Variants in LRFN5 observed in about 807,000 individuals in gnomAD.
LRFN5 encodes leucine rich repeat and fibronectin type III domain containing 5, also known as leucine-rich repeat and fibronectin type-III domain-containing protein 5.
LRFN5 carries 24 observed loss-of-function variants against 45.6 expected under a neutral mutation model. That is an observed-to-expected ratio of 0.53 (90% confidence interval 0.38 to 0.74). The LOEUF (loss-of-function observed/expected upper bound fraction) is 0.74, where lower values mean the gene tolerates loss of function less well. Among genes scored for constraint, LRFN5 ranks in the 30% least tolerant of loss-of-function variants. The pLI, the probability that LRFN5 is intolerant of heterozygous loss-of-function variation, is 0.00. For missense variants in LRFN5, 776 were observed against 861.5 expected (o/e 0.90, Z 1.24); for synonymous variants, 340 against 313.8 (o/e 1.08, Z -0.88).
intron 1 of LRFN5, among the ~76,000 whole-genome samples, chr14:41,683,110 A>G (rs1881973473): frequency 6.6e-6 from 1 of 152,206 alleles, no homozygotes; most frequent in East Asian, 1.9e-4. Context: ...ATACATTAAA[A>G]ACATTATTCA....
chr14:41,644,392 CACTA>C (rs1203117812), intron 1 of LRFN5, among the ~76,000 whole-genome samples: 2 of 152,178 alleles, frequency 1.3e-5, no homozygotes, highest in Admixed American at 6.6e-5. Context: ...ATGTTGCTTT[CACTA>C]ACTGTTTAAA....
intron 2 of LRFN5, among the ~76,000 whole-genome samples, chr14:41,775,191 C>G (rs933484886): frequency 6.7e-6 from 1 of 150,216 alleles, no homozygotes; most frequent in Non-Finnish European, 1.5e-5. Flanking sequence ...CCCGGGTTCA[C>G]GCCATTCTCC....
intron 1 of LRFN5, among the ~76,000 whole-genome samples, chr14:41,648,014 CT>C (rs1185170850): frequency 8.5e-5 from 13 of 152,186 alleles, no homozygotes; most frequent in Non-Finnish European, 5.9e-5. Context: ...CTATGTAACC[CT>C]ATATTAACAT....
rs143045395 is a variant in LRFN5 at position 41,869,428 on chromosome 14, CT to C, written c.-20-17166del. Among the ~76,000 whole-genome samples, 804 of 143,658 alleles carry C rather than the reference CT, an allele frequency of 5.6e-3. 4 individuals carry two copies. Among genetic ancestry groups the C allele is most frequent in the African/African-American group, 0.014 (535 of 39,404 alleles). The allele number at this position is 143,658 out of a possible 152,430, so 94.2% of individuals were successfully genotyped here. On this transcript the variant is annotated intron_variant, in intron 2 of 5. Coordinates refer to ENST00000298119, the MANE Select transcript of LRFN5 (RefSeq NM_152447.5). ...TCCTCATTGTGTTAACTTTATGCAG[CT>C]TTTTTTTTTTTAAAAAAAGGTTTTT...
intron 2 of LRFN5, among the ~76,000 whole-genome samples, chr14:41,795,874 A>C (rs1383643935): frequency 6.6e-6 from 1 of 151,928 alleles, no homozygotes; most frequent in African/African-American, 2.4e-5. Flanking sequence ...ATGTATATAT[A>C]TGTAACTAAC....
intron 2 of LRFN5, among the ~76,000 whole-genome samples, chr14:41,883,456 C>T (rs1041865402): frequency 3.9e-5 from 6 of 152,158 alleles, no homozygotes; most frequent in African/African-American, 1.4e-4. Flanking sequence ...AATTTTCCTT[C>T]AGCCTAAAGA....
chr14:41,706,173 T>G (rs1002643375), intron 1 of LRFN5, among the ~76,000 whole-genome samples: 1 of 152,122 alleles, frequency 6.6e-6, no homozygotes, highest in Non-Finnish European at 1.5e-5. Context: ...CGATCTTGGC[T>G]CACCGCAACC....
chr14:41,815,796 A>G (rs899201926), intron 2 of LRFN5, among the ~76,000 whole-genome samples: 1 of 152,008 alleles, frequency 6.6e-6, no homozygotes, highest in Non-Finnish European at 1.5e-5. Context: ...AATGAAGTGG[A>G]TGTCTTGTAG....
At chr14:41,671,730 C>A (rs896361076) in intron 1 of LRFN5, among the ~76,000 whole-genome samples, 1 of 149,020 alleles carries the variant, frequency 6.7e-6, no homozygotes, top group Non-Finnish European at 1.5e-5. Flanking sequence ...TATTCTCCTG[C>A]CTCTCAGCCT....
intron 2 of LRFN5, among the ~76,000 whole-genome samples, chr14:41,782,073 A>T (rs982550429): frequency 6.6e-6 from 1 of 151,750 alleles, no homozygotes; most frequent in East Asian, 1.9e-4. Context: ...TCTTTAATTT[A>T]AAAAAAATTA....
intron 2 of LRFN5, among the ~76,000 whole-genome samples, chr14:41,768,195 CT>C (rs1384238515): frequency 6.6e-6 from 1 of 152,010 alleles, no homozygotes; most frequent in African/African-American, 2.4e-5. Flanking sequence ...AACAGAAAAA[CT>C]GTAGTTAAGA....
chr14:41,639,969 TTTTTTTTTTA>T (rs1233796435), intron 1 of LRFN5, among the ~76,000 whole-genome samples: 4 of 145,028 alleles, frequency 2.8e-5, no homozygotes, highest in African/African-American at 1.0e-4. Context: ...TTTTTTTTTT[TTTTTTTTTTA>T]TTTACAGCTG....
rs115231918 is a variant in LRFN5 at position 41,712,631 on chromosome 14, C to T, written c.-196-54223C>T. On this transcript the variant is annotated intron_variant, in intron 1 of 5. Transcript: ENST00000298119. ...TAAATGAACAGGTTTAGGTATTCTA[C>T]CAAATCACAACAATTTTTATATAAC... Among the ~76,000 whole-genome samples, 159 of 152,116 alleles carry T rather than the reference C, an allele frequency of 1.0e-3. 1 individual carries two copies. Among genetic ancestry groups the T allele is most frequent in the African/African-American group, 3.7e-3 (155 of 41,516 alleles).
chr14:41,724,456 G>C (rs1029790025), intron 1 of LRFN5, among the ~76,000 whole-genome samples: 1 of 151,926 alleles, frequency 6.6e-6, no homozygotes, highest in Non-Finnish European at 1.5e-5. Context: ...TTACCAACTA[G>C]CTAATACCTT....
At chr14:41,785,636 TTATTCC>T (rs1447548001) in intron 2 of LRFN5, among the ~76,000 whole-genome samples, 2 of 152,120 alleles carry the variant, frequency 1.3e-5, no homozygotes, top group African/African-American at 4.8e-5. Flanking sequence ...ATTCTGCACT[TTATTCC>T]TATTATTATT....
intron 1 of LRFN5, among the ~76,000 whole-genome samples, chr14:41,625,718 A>G (rs920877525): frequency 2.0e-5 from 3 of 152,150 alleles, no homozygotes; most frequent in East Asian, 3.8e-4. Flanking sequence ...TATTTGACCT[A>G]TAATAATCTA....
chr14:41,901,217 C>T (rs980773181), intron 5 of LRFN5, among the ~76,000 whole-genome samples: 16 of 151,926 alleles, frequency 1.1e-4, no homozygotes, highest in African/African-American at 3.6e-4. Flanking sequence ...AAAATTAATG[C>T]TGATAACTCT....
intron 2 of LRFN5, among the ~76,000 whole-genome samples, chr14:41,815,023 A>G (rs1887868732): frequency 1.3e-5 from 2 of 152,164 alleles, no homozygotes; most frequent in Non-Finnish European, 2.9e-5. Flanking sequence ...TCCAATAATA[A>G]CAAAGTAGTC....
chr14:41,808,625 G>A (rs1887631434), intron 2 of LRFN5, among the ~76,000 whole-genome samples: 1 of 151,706 alleles, frequency 6.6e-6, no homozygotes, highest in Non-Finnish European at 1.5e-5. Flanking sequence ...TATGAAATTA[G>A]TTTCAGAAAT....
Sources: allele counts gnomAD v4.1 joint callset (sites outside exome capture counted in the v4.1 genomes callset), GRCh38; gene constraint gnomAD v4.1.1; transcripts MANE v1.5; gene names NCBI Gene and HGNC (gene_info 2026-07-23, HGNC 2026-07-21).